TAFA2: variants seen among roughly 807,000 people sequenced by gnomAD.
The protein encoded by TAFA2 is TAFA chemokine like family member 2.
Under a neutral mutation model 18.8 loss-of-function variants are expected in TAFA2, and 7 were observed. The ratio of observed to expected loss-of-function variants is 0.37; its 90% CI spans 0.21 to 0.70. The LOEUF (loss-of-function observed/expected upper bound fraction) is 0.70, where lower values mean the gene tolerates loss of function less well. Among genes scored for constraint, TAFA2 ranks in the 30% least tolerant of loss-of-function variants. TAFA2 has a pLI of 0.53. For missense variants in TAFA2, 122 were observed against 158.1 expected (o/e 0.77, Z 1.23); for synonymous variants, 60 against 54.2 (o/e 1.11, Z -0.47).
At chr12:61,840,466 C>A (rs1258139976) in intron 2 of TAFA2, among the ~76,000 whole-genome samples, 2 of 151,764 alleles carry the variant, frequency 1.3e-5, no homozygotes, top group Admixed American at 1.3e-4. Flanking sequence ...AAATATCCAC[C>A]TCCATTGTTT....
At chr12:61,830,146 A>G (rs900538670) in intron 2 of TAFA2, among the ~76,000 whole-genome samples, 3 of 151,304 alleles carry the variant, frequency 2.0e-5, no homozygotes, top group African/African-American at 7.3e-5. Context: ...GATAAATGTT[A>G]TGATCCAATG....
chr12:61,774,723 C>G (rs73324044), intron 2 of TAFA2, among the ~76,000 whole-genome samples: 4,879 of 151,480 alleles, frequency 0.032, 270 homozygotes, highest in African/African-American at 0.11. Context: ...ACAGTGTACA[C>G]TCCTCTGGTG....
intron 1 of TAFA2, among the ~76,000 whole-genome samples, chr12:62,047,105 A>G (rs1293799881): frequency 1.3e-5 from 2 of 152,120 alleles, no homozygotes; most frequent in Non-Finnish European, 2.9e-5. Context: ...TAGGTCAGGA[A>G]CTGAAGCATC....
Position 62,200,222 on chromosome 12 carries a change from A to G in TAFA2, c.-130+58541T>C, listed in dbSNP as rs192828889. On this transcript the variant is annotated intron_variant, in intron 1 of 5. Transcript: ENST00000551619. The stretch of plus-strand genomic sequence containing the variant: ...TGTAGAATGTTTGCTCACTCTGATG[A>G]TAGTTTCTTTTGCTGTGTAGAAGCT... Among the ~76,000 whole-genome samples, 384 of 152,248 alleles carry G rather than the reference A, an allele frequency of 2.5e-3. 2 individuals are homozygous for G. Among genetic ancestry groups the G allele is most frequent in the African/African-American group, 9.0e-3 (375 of 41,532 alleles).
intron 1 of TAFA2, among the ~76,000 whole-genome samples, chr12:61,932,642 C>T (rs919063849): frequency 2.6e-5 from 4 of 152,088 alleles, no homozygotes; most frequent in Admixed American, 2.6e-4. Flanking sequence ...GGGGTTTCAC[C>T]ATGTTGCCAG....
chr12:61,997,107 A>G (rs1880215244), intron 1 of TAFA2, among the ~76,000 whole-genome samples: 1 of 152,004 alleles, frequency 6.6e-6, no homozygotes, highest in South Asian at 2.1e-4. Flanking sequence ...AAACACATAA[A>G]AAAGTGTATA....
At chr12:61,907,990 C>G (rs539325640) in intron 1 of TAFA2, among the ~76,000 whole-genome samples, 1 of 152,138 alleles carries the variant, frequency 6.6e-6, no homozygotes, top group African/African-American at 2.4e-5. Context: ...CCCATTGTAT[C>G]TAGGAAGTAA....
intron 1 of TAFA2, chr12:62,234,971 C>T: frequency 1.5e-6 from 1 of 689,266 alleles, no homozygotes. Context: ...TCGAGGCCAA[C>T]AATGTTTCAT....
chr12:61,958,658 TTGTC>T (rs1387740750), intron 1 of TAFA2, among the ~76,000 whole-genome samples: 3 of 152,012 alleles, frequency 2.0e-5, no homozygotes, highest in Non-Finnish European at 1.5e-5. Context: ...ATTTTTCTCT[TTGTC>T]TGTGTCTTGC....
At chr12:62,166,844 T>G (rs1446586708) in intron 1 of TAFA2, among the ~76,000 whole-genome samples, 1 of 152,180 alleles carries the variant, frequency 6.6e-6, no homozygotes, top group Non-Finnish European at 1.5e-5. Context: ...AAGAATTATC[T>G]GGTCTTCATG....
At chr12:61,860,658 A>C (rs1048537389) in intron 2 of TAFA2, among the ~76,000 whole-genome samples, 3 of 152,012 alleles carry the variant, frequency 2.0e-5, no homozygotes, top group African/African-American at 7.3e-5. Flanking sequence ...GCTCCAGTGA[A>C]TTCTTTGTTT....
chr12:62,022,342 T>A (rs887155068), intron 1 of TAFA2, among the ~76,000 whole-genome samples: 8 of 152,206 alleles, frequency 5.3e-5, no homozygotes, highest in Admixed American at 5.2e-4. Flanking sequence ...AAAATGGTGA[T>A]CCTAGAAGAA....
chr12:62,241,821 T>A (rs2136990041), intron 1 of TAFA2, among the ~76,000 whole-genome samples: 1 of 152,314 alleles, frequency 6.6e-6, no homozygotes, highest in East Asian at 1.9e-4. Context: ...TTTTCTTCAT[T>A]AAAAACAAGC....
intron 2 of TAFA2, among the ~76,000 whole-genome samples, chr12:61,820,330 A>T (rs1438925327): frequency 6.6e-6 from 1 of 152,068 alleles, no homozygotes; most frequent in Non-Finnish European, 1.5e-5. Context: ...CTGTCTCAAC[A>T]TATCCAAAAT....
intron 1 of TAFA2, among the ~76,000 whole-genome samples, chr12:62,190,857 C>A (rs940752567): frequency 6.6e-6 from 1 of 152,166 alleles, no homozygotes; most frequent in South Asian, 2.1e-4. Context: ...CGACCCCCAA[C>A]TCCTTATTAA....
At chr12:62,012,619 T>C (rs1880809216) in intron 1 of TAFA2, among the ~76,000 whole-genome samples, 2 of 152,162 alleles carry the variant, frequency 1.3e-5, no homozygotes. Context: ...CTATTCCATC[T>C]CAGACTTTGT....
At chr12:61,727,519 G>A (rs1416327784) in intron 4 of TAFA2, among the ~76,000 whole-genome samples, 1 of 151,916 alleles carries the variant, frequency 6.6e-6, no homozygotes, top group Non-Finnish European at 1.5e-5. Flanking sequence ...GGTGTTCATA[G>A]TAGCCTTGGA....
At chr12:62,151,472 A>G (rs1565761775) in intron 1 of TAFA2, among the ~76,000 whole-genome samples, 1 of 152,228 alleles carries the variant, frequency 6.6e-6, no homozygotes, top group Non-Finnish European at 1.5e-5. Flanking sequence ...TCAATGTAGA[A>G]GATTGCCCGG....
chr12:61,873,724 G>A (rs1874720306), intron 1 of TAFA2, among the ~76,000 whole-genome samples: 1 of 152,072 alleles, frequency 6.6e-6, no homozygotes, highest in Non-Finnish European at 1.5e-5. Flanking sequence ...AGAGCTACAA[G>A]TTTGACTACA....
Sources: allele counts gnomAD v4.1 joint callset (sites outside exome capture counted in the v4.1 genomes callset), GRCh38; gene constraint gnomAD v4.1.1; transcripts MANE v1.5; gene names NCBI Gene and HGNC (gene_info 2026-07-23, HGNC 2026-07-21).